PIK3C2A: variants seen among roughly 807,000 people sequenced by gnomAD.
The protein encoded by PIK3C2A is phosphatidylinositol-4-phosphate 3-kinase catalytic subunit type 2 alpha.
A neutral mutation model predicts 204.5 loss-of-function variants in PIK3C2A; 97 were observed. That is an observed-to-expected ratio of 0.47 (90% confidence interval 0.40 to 0.56). PIK3C2A has a LOEUF of 0.56. PIK3C2A is among the 20% of genes least tolerant of loss of function. The pLI is 0.00. For synonymous variants in PIK3C2A, 653 were observed against 664.4 expected, an observed-to-expected ratio of 0.98 and a Z score of 0.26; for missense variants, 1,735 against 1,969.2, an observed-to-expected ratio of 0.88 and a Z score of 2.25.
chr11:17,161,668 C>T (rs1043041362), intron 2 of PIK3C2A, among the ~76,000 whole-genome samples: 6 of 152,146 alleles, frequency 3.9e-5, no homozygotes, highest in Non-Finnish European at 7.4e-5. Flanking sequence ...ACAAAGGACA[C>T]TAGATGGAAA....
rs928787782 is a variant in PIK3C2A, at chr11:17,205,457, G to C, written c.-66+2391C>G. ...CCACTGCACTCCAGCCTCGTCAACAGAGTGAGACTCCATCTCAAAAAAAAA... is the reference window on the plus strand; with the variant it reads ...CCACTGCACTCCAGCCTCGTCAACACAGTGAGACTCCATCTCAAAAAAAAA... On this transcript the variant is annotated intron_variant, in intron 1 of 32. Transcript: ENST00000691414. Among the ~76,000 whole-genome samples the C allele has an allele frequency of 1.4e-4, 16 of 114,288 alleles. No homozygotes were observed. In the East Asian group the frequency reaches 4.7e-3, roughly 34 times the overall value. 75.0% of individuals were successfully genotyped at this position (114,288 alleles called of 152,430 possible). A position where few individuals can be genotyped will look rare whatever the true frequency, so the allele number is the denominator to read the frequency against.
intron 27 of PIK3C2A, among the ~76,000 whole-genome samples, chr11:17,096,221 T>C (rs529454232): frequency 1.3e-4 from 19 of 151,402 alleles, no homozygotes; most frequent in South Asian, 4.2e-4. Flanking sequence ...ATATTTTTAT[T>C]AGAGACGGGG....
intron 1 of PIK3C2A, among the ~76,000 whole-genome samples, chr11:17,198,295 A>T (rs1023653845): frequency 6.6e-6 from 1 of 151,958 alleles, no homozygotes; most frequent in African/African-American, 2.4e-5. Context: ...TTTTTAGTAG[A>T]GACAGGGTTT....
chr11:17,113,408 C>A, intron 20 of PIK3C2A, among the ~76,000 whole-genome samples: 1 of 152,002 alleles, frequency 6.6e-6, no homozygotes, highest in Non-Finnish European at 1.5e-5. Context: ...GTGAGACCTC[C>A]ATTCTTCTGT....
intron 1 of PIK3C2A, among the ~76,000 whole-genome samples, chr11:17,182,746 AAAAT>A (rs1851607921): frequency 6.6e-6 from 1 of 152,188 alleles, no homozygotes. Flanking sequence ...CAAACTTTAT[AAAAT>A]AGAGTTTCTC....
chr11:17,131,469 T>C (rs929144142), intron 12 of PIK3C2A, among the ~76,000 whole-genome samples: 2 of 146,814 alleles, frequency 1.4e-5, no homozygotes, highest in African/African-American at 5.0e-5. Context: ...TTGCCTAGGC[T>C]GGAGTGCGGT....
At chr11:17,193,780 A>G in intron 1 of PIK3C2A, 1 of 186,376 alleles carries the variant, frequency 5.4e-6, no homozygotes, top group Non-Finnish European at 1.1e-5. Context: ...CAGAAGGCGG[A>G]GGCTGCAGTG....
At chr11:17,133,969 T>C (rs530176534) in intron 11 of PIK3C2A, among the ~76,000 whole-genome samples, 11 of 152,196 alleles carry the variant, frequency 7.2e-5, no homozygotes, top group African/African-American at 2.6e-4. Context: ...CAGTCTTAAA[T>C]TGCCTAATTA....
Position 17,091,259 on chromosome 11 carries a change from C to T in PIK3C2A, c.4878+75G>A, listed in dbSNP as rs1848301164. On this transcript the variant is annotated intron_variant, in intron 32 of 32. Transcript: ENST00000691414. ...GTAACAAACTTGCACATCCTGCTTA[C>T]GCACGTCAGAACTTAAAAATGAAAA... 1.6e-5 allele frequency: 21 copies of T among 1,331,134 alleles called. 1 individual carries two copies. Among genetic ancestry groups the T allele is most frequent in the South Asian group, 1.3e-4 (10 of 75,104 alleles). The allele number at this position is 1,331,134 out of a possible 1,614,324, so 82.5% of individuals were successfully genotyped here. A position where few individuals can be genotyped will look rare whatever the true frequency, so the allele number is the denominator to read the frequency against.
At chr11:17,098,590 G>A (rs973575558) in intron 26 of PIK3C2A, among the ~76,000 whole-genome samples, 3 of 152,140 alleles carry the variant, frequency 2.0e-5, no homozygotes, top group Non-Finnish European at 4.4e-5. Flanking sequence ...TTTGCCCAGG[G>A]GAGCCAATGA....
chr11:17,122,380 C>T (rs1256214938), intron 14 of PIK3C2A, 47 bp from the exon 15 acceptor site: 1 of 1,142,860 alleles, frequency 8.7e-7, no homozygotes, highest in South Asian at 1.4e-5. Flanking sequence ...TACGTATTTG[C>T]CACATTAACC....
chr11:17,183,194 TC>T (rs1293380161), intron 1 of PIK3C2A, among the ~76,000 whole-genome samples: 2 of 152,132 alleles, frequency 1.3e-5, no homozygotes, highest in African/African-American at 2.4e-5. Context: ...ATGCAGTAGT[TC>T]CCCCTTATCC....
At chr11:17,142,941 C>T (rs796577466) in intron 8 of PIK3C2A, among the ~76,000 whole-genome samples, 5 of 150,368 alleles carry the variant, frequency 3.3e-5, no homozygotes, top group South Asian at 2.1e-4. Context: ...GTGGCTCCTG[C>T]GGCAGGGGGC....
intron 1 of PIK3C2A, among the ~76,000 whole-genome samples, chr11:17,206,701 T>C (rs1157253869): frequency 6.6e-6 from 1 of 152,120 alleles, no homozygotes; most frequent in Non-Finnish European, 1.5e-5. Context: ...TCTCCTGGAA[T>C]TAGTTCCTGG....
intron 2 of PIK3C2A, among the ~76,000 whole-genome samples, chr11:17,158,670 A>C (rs1212940510): frequency 6.6e-6 from 1 of 152,188 alleles, no homozygotes; most frequent in African/African-American, 2.4e-5. Flanking sequence ...TTGTGGGAGC[A>C]GTGCTGGGAA....
chr11:17,190,860 C>G (rs956252687), intron 1 of PIK3C2A, among the ~76,000 whole-genome samples: 1 of 151,824 alleles, frequency 6.6e-6, no homozygotes, highest in Non-Finnish European at 1.5e-5. Context: ...TTCAAATGGT[C>G]TAATATAATG....
At chr11:17,171,930 A>T (rs922050073) in intron 1 of PIK3C2A, among the ~76,000 whole-genome samples, 1 of 152,104 alleles carries the variant, frequency 6.6e-6, no homozygotes, top group Non-Finnish European at 1.5e-5. Flanking sequence ...CATTTTTTTT[A>T]AAAGGTAAAC....
intron 27 of PIK3C2A, among the ~76,000 whole-genome samples, chr11:17,096,136 T>G (rs1848449538): frequency 6.6e-6 from 1 of 151,810 alleles, no homozygotes; most frequent in South Asian, 2.1e-4. Context: ...CCTCTCGGGT[T>G]CAAGCGATTC....
rs1171345498 is a variant in PIK3C2A, at chr11:17,112,521, T to G, written c.3414+53A>C. On this transcript the variant is annotated intron_variant, in intron 21 of 32. Coordinates refer to ENST00000691414, the MANE Select transcript of PIK3C2A (RefSeq NM_002645.4). ...CCTTTGCAATTTTGGGAAAGTAATT[T>G]GATAAAAAAATTTCTAAATTGCCAT... is the stretch of plus-strand genomic sequence containing the variant. 4 of 807,242 alleles carry G rather than the reference T, an allele frequency of 5.0e-6. No individual in the cohort carries two copies. In the African/African-American group the frequency reaches 5.4e-5, roughly 11 times the overall value. The allele number at this position is 807,242 out of a possible 1,614,324, so 50.0% of individuals were successfully genotyped here.
Sources: allele counts gnomAD v4.1 joint callset (sites outside exome capture counted in the v4.1 genomes callset), GRCh38; gene constraint gnomAD v4.1.1; transcripts MANE v1.5; gene names NCBI Gene and HGNC (gene_info 2026-07-23, HGNC 2026-07-21).